The following SMOC2 variants were observed in gnomAD, a reference collection of about 807,000 sequenced individuals.
The protein encoded by SMOC2 is SPARC related modular calcium binding 2.
A neutral mutation model predicts 61.4 loss-of-function variants in SMOC2; 39 were observed. The observed-to-expected ratio is 0.64, with a 90% CI of 0.49 to 0.83. The LOEUF (loss-of-function observed/expected upper bound fraction) is 0.83. Among genes scored for constraint, SMOC2 ranks in the 40% least tolerant of loss-of-function variants. The pLI is 0.00. For missense variants in SMOC2, 556 were observed against 592.9 expected (o/e 0.94, Z 0.65); for synonymous variants, 247 against 239.9 (o/e 1.03, Z -0.27).
intron 9 of SMOC2, among the ~76,000 whole-genome samples, chr6:168,618,208 C>T (rs1002702027): frequency 5.3e-5 from 8 of 152,336 alleles, no homozygotes; most frequent in East Asian, 1.9e-4. Context: ...GCGAGGCCTC[C>T]GTGCTCCATT....
chr6:168,465,438 T>G (rs1413372253), intron 1 of SMOC2, among the ~76,000 whole-genome samples: 1 of 151,668 alleles, frequency 6.6e-6, no homozygotes, highest in African/African-American at 2.4e-5. Flanking sequence ...GAACACACAG[T>G]TCTCTGCTAA....
chr6:168,456,936 G>A (rs1297037638), intron 1 of SMOC2, among the ~76,000 whole-genome samples: 1 of 152,162 alleles, frequency 6.6e-6, no homozygotes, highest in Admixed American at 6.5e-5. Flanking sequence ...TGAGCTCAGG[G>A]GAAAAGCAAC....
intron 7 of SMOC2, among the ~76,000 whole-genome samples, chr6:168,573,789 C>A (rs906788707): frequency 6.6e-6 from 1 of 152,144 alleles, no homozygotes; most frequent in African/African-American, 2.4e-5. Context: ...GTGCCCCCGA[C>A]GTGGGGGCCC....
At chr6:168,660,142 A>G (rs901505905) in intron 11 of SMOC2, among the ~76,000 whole-genome samples, 2 of 150,902 alleles carry the variant, frequency 1.3e-5, no homozygotes, top group African/African-American at 2.4e-5. Flanking sequence ...ATGTCAAAGC[A>G]TTAGATAAAG....
chr6:168,565,105 G>A (rs772204355), intron 7 of SMOC2, among the ~76,000 whole-genome samples: 4 of 152,198 alleles, frequency 2.6e-5, no homozygotes, highest in Non-Finnish European at 4.4e-5. Flanking sequence ...ATTGAACCTG[G>A]CATTTGCATT....
At chr6:168,659,546 C>CTGGTTGATGGTGGAGGTTATAGTA (rs1787425664) in intron 11 of SMOC2, among the ~76,000 whole-genome samples, 11 of 84,680 alleles carry the variant, frequency 1.3e-4, no homozygotes, top group South Asian at 3.6e-4. Flanking sequence ...AGGTTGTTGG[C>CTGGTTGATGGTGGAGGTTATAGTA]TGGGTGAGGA....
intron 7 of SMOC2, among the ~76,000 whole-genome samples, chr6:168,571,060 C>T (rs949928572): frequency 5.3e-5 from 8 of 152,142 alleles, no homozygotes; most frequent in Admixed American, 3.3e-4. Context: ...GTGACAGTGG[C>T]GCATGGCCTG....
intron 7 of SMOC2, among the ~76,000 whole-genome samples, chr6:168,581,770 G>A (rs747749728): frequency 6.6e-6 from 1 of 152,170 alleles, no homozygotes; most frequent in African/African-American, 2.4e-5. Flanking sequence ...ACCTGCCTGG[G>A]ACCCCGCTGC....
At chr6:168,648,959 C>T (rs752708061) in intron 9 of SMOC2, among the ~76,000 whole-genome samples, 24 of 152,298 alleles carry the variant, frequency 1.6e-4, no homozygotes, top group Non-Finnish European at 2.8e-4. Context: ...TCCACGCCAA[C>T]GTGCCCTTGA....
chr6:168,495,722 C>T (rs774002164), intron 1 of SMOC2, among the ~76,000 whole-genome samples: 2 of 152,172 alleles, frequency 1.3e-5, no homozygotes, highest in African/African-American at 4.8e-5. Context: ...ACCCGGGTCA[C>T]AGGGCTCTGC....
chr6:168,495,166 G>A (rs1782555789), intron 1 of SMOC2, among the ~76,000 whole-genome samples: 2 of 152,206 alleles, frequency 1.3e-5, no homozygotes, highest in African/African-American at 4.8e-5. Flanking sequence ...CGCCCTATGT[G>A]GGCTCCTGCA....
Position 168,664,055 on chromosome 6 carries a change from C to CTTT in SMOC2, c.1286-11_1286-9dup. On this transcript the variant is annotated intron_variant, in intron 11 of 12. Coordinates refer to ENST00000356284, the MANE Select transcript of SMOC2 (RefSeq NM_001166412.2). ...ATGAGTCTCTGATTTTTAATAATAT[C>CTTT]TTTTTTTTTTCCTGCTAGCCCCCAG... 7.0e-7 allele frequency: 1 copy of CTTT among 1,423,872 alleles called. No individual in the cohort carries two copies. Among genetic ancestry groups the CTTT allele is most frequent in the Non-Finnish European group, 9.6e-7 (1 of 1,044,894 alleles). The allele number at this position is 1,423,872 out of a possible 1,614,324, so 88.2% of individuals were successfully genotyped here. A position where few individuals can be genotyped will look rare whatever the true frequency, so the allele number is the denominator to read the frequency against.
chr6:168,567,894 A>AG (rs1784578353), intron 7 of SMOC2, among the ~76,000 whole-genome samples: 1 of 151,364 alleles, frequency 6.6e-6, no homozygotes, highest in African/African-American at 2.4e-5. Flanking sequence ...TCAGATGAGC[A>AG]ACTACAGGCA....
intron 9 of SMOC2, among the ~76,000 whole-genome samples, chr6:168,637,999 G>A (rs1235046638): frequency 2.2e-5 from 3 of 135,360 alleles, no homozygotes; most frequent in Non-Finnish European, 3.2e-5. Context: ...ACCCTGCAGC[G>A]CCCAGGGAAG....
At chr6:168,660,676 G>T (rs930744216) in intron 11 of SMOC2, among the ~76,000 whole-genome samples, 1 of 152,230 alleles carries the variant, frequency 6.6e-6, no homozygotes, top group African/African-American at 2.4e-5. Context: ...TGGCAGAGAA[G>T]CATGAGAGGC....
intron 9 of SMOC2, among the ~76,000 whole-genome samples, chr6:168,632,664 A>G (rs549077242): frequency 6.6e-6 from 1 of 152,168 alleles, no homozygotes; most frequent in African/African-American, 2.4e-5. Context: ...TATCCAGCCT[A>G]TTATAAGCTA....
chr6:168,522,137 T>C (rs1211149088), intron 2 of SMOC2, among the ~76,000 whole-genome samples: 1 of 152,190 alleles, frequency 6.6e-6, no homozygotes, highest in Non-Finnish European at 1.5e-5. Flanking sequence ...AGTAATATAA[T>C]ACTATGAGCC....
chr6:168,556,886 T>C (rs1784265658), intron 7 of SMOC2, among the ~76,000 whole-genome samples: 1 of 151,340 alleles, frequency 6.6e-6, no homozygotes, highest in Non-Finnish European at 1.5e-5. Context: ...TTCCTCCTGC[T>C]TGGGAGAAAA....
At chr6:168,497,735 T>C (rs2609326) in intron 1 of SMOC2, among the ~76,000 whole-genome samples, 86,956 of 152,076 alleles carry the variant, frequency 0.57, 25,302 homozygotes, top group East Asian at 0.75. Flanking sequence ...TATTCAATCA[T>C]CGCCCTGCAT....
Sources: allele counts gnomAD v4.1 joint callset (sites outside exome capture counted in the v4.1 genomes callset), GRCh38; gene constraint gnomAD v4.1.1; transcripts MANE v1.5; gene names NCBI Gene and HGNC (gene_info 2026-07-23, HGNC 2026-07-21).